EBF2: variants seen among roughly 807,000 people sequenced by gnomAD.
EBF2 encodes transcription factor COE2.
A neutral mutation model predicts 72.8 loss-of-function variants in EBF2; 21 were observed. The ratio of observed to expected loss-of-function variants is 0.29; its 90% CI spans 0.20 to 0.42. The LOEUF (loss-of-function observed/expected upper bound fraction) is 0.42, where lower values mean the gene tolerates loss of function less well. Among genes scored for constraint, EBF2 ranks in the 10% least tolerant of loss-of-function variants. EBF2 has a pLI of 1.00. For missense variants in EBF2, 637 were observed against 731.2 expected, an observed-to-expected ratio of 0.87 and a Z score of 1.49; for synonymous variants, 299 against 274.2, an observed-to-expected ratio of 1.09 and a Z score of -0.89.
intron 6 of EBF2, among the ~76,000 whole-genome samples, chr8:25,961,145 A>T (rs1312022784): frequency 1.3e-5 from 2 of 152,182 alleles, no homozygotes; most frequent in African/African-American, 4.8e-5. Flanking sequence ...AACAAGTAAA[A>T]ACCAAAAAGA....
At chr8:25,917,901 A>G (rs1803251399) in intron 6 of EBF2, among the ~76,000 whole-genome samples, 1 of 152,204 alleles carries the variant, frequency 6.6e-6, no homozygotes, top group Non-Finnish European at 1.5e-5. Context: ...GCCAATGTGT[A>G]AAACTCTCTA....
At position 25,858,392 on chromosome 8, in the gene EBF2, G is replaced by A; in HGVS notation, c.1455C>T (p.Val485=). 6.2e-7 allele frequency: 1 copy of A among 1,614,176 alleles called. No individual in the cohort carries two copies. Among genetic ancestry groups the A allele is most frequent in the Non-Finnish European group, 8.5e-7 (1 of 1,180,034 alleles). Residue 485 remains valine (V), a synonymous_variant, in exon 14 of 16, where the codon GTC becomes GTT. Coordinates refer to ENST00000520164, the MANE Select transcript of EBF2 (RefSeq NM_022659.4). ...CTGGAACACCCAAGTTGGCCATGGG[G>A]ACATTGCTGTAGCCATTCATACTGT... ...SSNSMNGYSN[V]PMANLGVPGS...
chr8:26,010,361 C>T (rs1274989743), intron 6 of EBF2, among the ~76,000 whole-genome samples: 1 of 152,232 alleles, frequency 6.6e-6, no homozygotes, highest in Non-Finnish European at 1.5e-5. Flanking sequence ...CCCATCAGGG[C>T]GAACCACTGC....
At chr8:25,858,015 T>C in intron 14 of EBF2, 3 of 521,124 alleles carry the variant, frequency 5.8e-6, no homozygotes, top group East Asian at 9.7e-5. Flanking sequence ...AGAGCACACA[T>C]ATTGTTAACA....
intron 6 of EBF2, among the ~76,000 whole-genome samples, chr8:25,931,766 C>T (rs1396712517): frequency 6.6e-6 from 1 of 152,026 alleles, no homozygotes; most frequent in East Asian, 1.9e-4. Flanking sequence ...ATCTTTCGTC[C>T]ATTGACATGC....
intron 3 of EBF2, 37 bp from the exon 4 acceptor site, chr8:26,040,708 G>T: frequency 1.3e-6 from 2 of 1,550,504 alleles, no homozygotes; most frequent in Non-Finnish European, 1.7e-6. Flanking sequence ...AAGGGCCGTA[G>T]AGCCCCTTCC....
chr8:25,860,971 C>G, intron 13 of EBF2, 78 bp downstream of exon 13: 1 of 1,544,312 alleles, frequency 6.5e-7, no homozygotes. Flanking sequence ...CATTATGACC[C>G]AACCTCTGAC....
intron 6 of EBF2, among the ~76,000 whole-genome samples, chr8:25,968,651 C>G (rs1804148825): frequency 6.6e-6 from 1 of 152,142 alleles, no homozygotes; most frequent in Admixed American, 6.5e-5. Context: ...AACCTCCACC[C>G]CCCTGGGTTC....
At chr8:25,851,944 T>C (rs549784418) in intron 14 of EBF2, among the ~76,000 whole-genome samples, 2 of 152,188 alleles carry the variant, frequency 1.3e-5, no homozygotes, top group Non-Finnish European at 2.9e-5. Context: ...GTCCACCCAA[T>C]TGCCTGTATA....
intron 6 of EBF2, among the ~76,000 whole-genome samples, chr8:25,987,145 G>C (rs6980951): frequency 0.85 from 130,040 of 152,234 alleles, 56,076 homozygotes; most frequent in Middle Eastern, 0.93. Context: ...GAAAGAGCAA[G>C]AATATTGGAA....
intron 6 of EBF2, among the ~76,000 whole-genome samples, chr8:25,938,412 T>C (rs1209177935): frequency 6.6e-6 from 1 of 151,856 alleles, no homozygotes; most frequent in East Asian, 1.9e-4. Flanking sequence ...TGTCTTTCAG[T>C]TTTTTTCTTG....
At chr8:26,010,535 C>A (rs934488526) in intron 6 of EBF2, among the ~76,000 whole-genome samples, 1 of 152,214 alleles carries the variant, frequency 6.6e-6, no homozygotes, top group African/African-American at 2.4e-5. Flanking sequence ...CAAGCGGTCA[C>A]CCGTTCCCGG....
intron 6 of EBF2, among the ~76,000 whole-genome samples, chr8:26,004,792 G>A (rs757186422): frequency 1.4e-5 from 2 of 147,148 alleles, no homozygotes; most frequent in Non-Finnish European, 3.0e-5. Flanking sequence ...AAAAATAACA[G>A]TCCACTAAAA....
chr8:25,991,113 A>AT (rs1262881456), intron 6 of EBF2, among the ~76,000 whole-genome samples: 28 of 147,114 alleles, frequency 1.9e-4, no homozygotes, highest in Middle Eastern at 6.8e-3. Context: ...TGTGAAAAAA[A>AT]TAAAAAAAAA....
intron 2 of EBF2, 190 bp from the exon 3 acceptor site, chr8:26,041,192 A>AGT: frequency 3.1e-6 from 2 of 644,260 alleles, no homozygotes; most frequent in Non-Finnish European, 5.4e-6. Flanking sequence ...AAACTTGCCA[A>AGT]GACTCGTAGC....
At chr8:25,892,465 A>G (rs77458309) in intron 7 of EBF2, among the ~76,000 whole-genome samples, 1,820 of 152,254 alleles carry the variant, frequency 0.012, 17 homozygotes, top group Middle Eastern at 0.031. Context: ...TCCAATTTAC[A>G]CTGTGATCAA....
rs36020598 is a variant in EBF2, at chr8:25,992,333, CAAAAAA to C, written c.551+40746_551+40751del. Reference sequence around the variant, plus strand: ...TGGGCAACAGCGTGAGACTCTGTCTCAAAAAAAAAAAAAAAAAAAAAAAAGCAAAAG... The same window carrying C: ...TGGGCAACAGCGTGAGACTCTGTCTCAAAAAAAAAAAAAAAAAAGCAAAAG... On this transcript the variant is annotated intron_variant, in intron 6 of 15. Coordinates refer to ENST00000520164, the MANE Select transcript of EBF2 (RefSeq NM_022659.4). 3.0e-4 allele frequency among the ~76,000 whole-genome samples: 16 copies of C among 52,550 alleles called. No homozygotes were observed. The East Asian group carries it at 3.8e-3, about 13-fold the overall frequency. 34.5% of individuals were successfully genotyped at this position (52,550 alleles called of 152,430 possible).
chr8:26,003,936 G>A (rs1225560197), intron 6 of EBF2, among the ~76,000 whole-genome samples: 1 of 152,046 alleles, frequency 6.6e-6, no homozygotes, highest in African/African-American at 2.4e-5. Context: ...GGGGACCAGG[G>A]GTAGTTTGTA....
At position 25,858,306 on chromosome 8, in the gene EBF2, A is replaced by C. The variant is rs1029474180; in HGVS notation, c.1528+13T>G. On this transcript the variant is annotated intron_variant, in intron 14 of 15. Coordinates refer to ENST00000520164, the MANE Select transcript of EBF2 (RefSeq NM_022659.4). ...AAAAGCATGGAGAGCCAAGTGATGG[A>C]GAGGTCACTTACTTCCATAAGGAGA... 1.2e-6 allele frequency: 2 copies of C among 1,613,738 alleles called. No homozygotes were observed. Among genetic ancestry groups the C allele is most frequent in the African/African-American group, 2.7e-5 (2 of 74,920 alleles).
Sources: gnomAD v4.1 joint callset for allele counts (sites outside exome capture counted in the v4.1 genomes callset) on GRCh38, gnomAD v4.1.1 for gene constraint, MANE v1.5 for transcripts, NCBI Gene and HGNC (gene_info 2026-07-23, HGNC 2026-07-21) for gene names.